The following IQCM variants were observed in gnomAD, a reference collection of about 807,000 sequenced individuals.
IQCM encodes IQ motif containing M.
A neutral mutation model predicts 57.6 loss-of-function variants in IQCM; 45 were observed. That is an observed-to-expected ratio of 0.78 (90% CI 0.62 to 1.00). IQCM has a LOEUF of 1.00. Among genes scored for constraint, IQCM ranks in the 50% least tolerant of loss-of-function variants. IQCM has a pLI of 0.00. For missense variants in IQCM, 468 were observed against 511.6 expected (o/e 0.91, Z 0.82); for synonymous variants, 148 against 158.9 (o/e 0.93, Z 0.51).
intron 5 of IQCM, among the ~76,000 whole-genome samples, chr4:149,690,043 C>T (rs757138550): frequency 5.3e-5 from 8 of 152,082 alleles, no homozygotes; most frequent in Non-Finnish European, 1.2e-4. Context: ...CCATTTGATC[C>T]AGTAATCTCA....
At chr4:149,535,092 A>G (rs1439170544) in intron 12 of IQCM, among the ~76,000 whole-genome samples, 1 of 152,106 alleles carries the variant, frequency 6.6e-6, no homozygotes, top group Admixed American at 6.6e-5. Flanking sequence ...ATTACTAAAT[A>G]TGACTTAAAC....
intron 12 of IQCM, among the ~76,000 whole-genome samples, chr4:149,474,694 G>C (rs1474645626): frequency 6.6e-6 from 1 of 151,914 alleles, no homozygotes; most frequent in Non-Finnish European, 1.5e-5. Flanking sequence ...TCCAGCCTGG[G>C]CAACAAGAGT....
intron 8 of IQCM, among the ~76,000 whole-genome samples, chr4:149,613,766 G>A (rs974999394): frequency 1.1e-4 from 16 of 151,822 alleles, no homozygotes; most frequent in Non-Finnish European, 1.9e-4. Flanking sequence ...TTCCCTTCCC[G>A]TGTCCATGTG....
chr4:149,460,316 C>T (rs1232518224), intron 12 of IQCM, among the ~76,000 whole-genome samples: 1 of 151,890 alleles, frequency 6.6e-6, no homozygotes, highest in Non-Finnish European at 1.5e-5. Context: ...AGATATGAAC[C>T]CCTTATAAGA....
chr4:149,432,693 G>A (rs976630468), intron 13 of IQCM, among the ~76,000 whole-genome samples: 5 of 151,814 alleles, frequency 3.3e-5, no homozygotes, highest in Non-Finnish European at 7.4e-5. Flanking sequence ...AGACAGAAAG[G>A]ACAAACTATA....
intron 2 of IQCM, among the ~76,000 whole-genome samples, chr4:149,763,827 C>T (rs1769770821): frequency 6.6e-6 from 1 of 151,784 alleles, no homozygotes; most frequent in Non-Finnish European, 1.5e-5. Flanking sequence ...CAAAAAGATG[C>T]AATACCTGAA....
intron 12 of IQCM, among the ~76,000 whole-genome samples, chr4:149,445,275 G>A (rs1304139066): frequency 6.6e-6 from 1 of 151,718 alleles, no homozygotes; most frequent in Admixed American, 6.6e-5. Context: ...GTCAAGGTAG[G>A]ATAAACCTGG....
At chr4:149,370,195 G>C (rs902660588) in intron 13 of IQCM, among the ~76,000 whole-genome samples, 35 of 152,302 alleles carry the variant, frequency 2.3e-4, no homozygotes, top group Middle Eastern at 3.4e-3. Flanking sequence ...CATCCCACCT[G>C]TTGTAACATT....
At chr4:149,610,043 T>C (rs1429584922) in intron 8 of IQCM, among the ~76,000 whole-genome samples, 2 of 151,724 alleles carry the variant, frequency 1.3e-5, no homozygotes, top group African/African-American at 4.8e-5. Context: ...TTGAAGAATA[T>C]AAAATCAACT....
At chr4:149,454,577 T>C (rs1275126130) in intron 12 of IQCM, among the ~76,000 whole-genome samples, 1 of 151,942 alleles carries the variant, frequency 6.6e-6, no homozygotes, top group Non-Finnish European at 1.5e-5. Flanking sequence ...AGCCAATTTA[T>C]CTGCAGAATC....
rs1042147374 is a variant in IQCM at position 149,607,575 on chromosome 4, C to T, written c.681+13554G>A. On this transcript the variant is annotated intron_variant, in intron 8 of 13. Transcript: ENST00000636793. ...ACAAATATAACAAAAATAATAACTGCAACTTAAGAGATAAATAATATAAAA... is the reference window on the plus strand; with the variant it reads ...ACAAATATAACAAAAATAATAACTGTAACTTAAGAGATAAATAATATAAAA... Among the ~76,000 whole-genome samples the T allele has an allele frequency of 2.6e-5, 4 of 151,774 alleles. 1 individual carries two copies. The highest frequency in any genetic ancestry group is 9.7e-5 in the African/African-American group (4 of 41,370).
chr4:149,711,137 AG>A (rs1250631084), intron 5 of IQCM: 1 of 152,154 alleles, frequency 6.6e-6, no homozygotes, highest in Non-Finnish European at 1.5e-5. Context: ...TGAAAATAAA[AG>A]TTTTTCCAAG....
rs148297428 is a variant in IQCM at position 149,480,661 on chromosome 4, T to C, written c.1229-47104A>G. Among the ~76,000 whole-genome samples the C allele has an allele frequency of 4.5e-3, 691 of 152,332 alleles. 10 individuals carry two copies. Among genetic ancestry groups the C allele is most frequent in the African/African-American group, 0.014 (562 of 41,578 alleles). ...CACATTTTCTTTAGGCATTCATCCA[T>C]TGATGGACACTTAGATTGCTTCCAA... is the stretch of plus-strand genomic sequence containing the variant. On this transcript the variant is annotated intron_variant, in intron 12 of 13. Transcript: ENST00000636793.
At chr4:149,507,153 G>A (rs1743907479) in intron 12 of IQCM, among the ~76,000 whole-genome samples, 1 of 152,188 alleles carries the variant, frequency 6.6e-6, no homozygotes, top group Non-Finnish European at 1.5e-5. Flanking sequence ...CCAGCCATGT[G>A]GAATTGTAAG....
intron 13 of IQCM, among the ~76,000 whole-genome samples, chr4:149,409,929 T>C (rs1733253202): frequency 1.3e-5 from 2 of 152,194 alleles, no homozygotes; most frequent in Admixed American, 1.3e-4. Context: ...CTCATGCCTG[T>C]AATCCCAGCA....
At chr4:149,357,099 T>C (rs1357955987) in intron 13 of IQCM, among the ~76,000 whole-genome samples, 1 of 152,208 alleles carries the variant, frequency 6.6e-6, no homozygotes, top group Non-Finnish European at 1.5e-5. Context: ...TGATTTTGTA[T>C]CCTGAGACTT....
At chr4:149,510,116 T>A (rs1009837291) in intron 12 of IQCM, among the ~76,000 whole-genome samples, 6 of 152,162 alleles carry the variant, frequency 3.9e-5, no homozygotes, top group Non-Finnish European at 8.8e-5. Flanking sequence ...ATGAAAATGC[T>A]AAATTTTTGG....
rs2111172700 is a variant in IQCM at position 149,410,737 on chromosome 4, T to TC, written c.1390+22658_1390+22659insG. 2.0e-5 allele frequency among the ~76,000 whole-genome samples: 3 copies of TC among 152,134 alleles called. No homozygotes were observed. In the South Asian group the frequency reaches 6.2e-4, roughly 32 times the overall value. On this transcript the variant is annotated intron_variant, in intron 13 of 13. Coordinates refer to ENST00000636793, the MANE Select transcript of IQCM (RefSeq NM_001363507.2). ...TAGTAAAAAGTCAGACTTCTATCTT[T>TC]ATCTAATGATATCTGATGAAGATGA...
intron 12 of IQCM, among the ~76,000 whole-genome samples, chr4:149,544,165 T>G (rs1748149299): frequency 6.6e-6 from 1 of 152,144 alleles, no homozygotes; most frequent in Non-Finnish European, 1.5e-5. Flanking sequence ...TCAATTACTT[T>G]GTGGTGACAT....
Sources: gnomAD v4.1 joint callset for allele counts (sites outside exome capture counted in the v4.1 genomes callset) on GRCh38, gnomAD v4.1.1 for gene constraint, MANE v1.5 for transcripts, NCBI Gene and HGNC (gene_info 2026-07-23, HGNC 2026-07-21) for gene names.